The following PGPEP1L variants were observed in gnomAD, a reference collection of about 807,000 sequenced individuals.
PGPEP1L encodes pyroglutamyl-peptidase I like.
Under a neutral mutation model 6.0 loss-of-function variants are expected in PGPEP1L, and 7 were observed. That is an observed-to-expected ratio of 1.17 (90% CI 0.66 to 2.19). PGPEP1L has a LOEUF of 2.19. PGPEP1L is among the 30% of genes most tolerant of loss of function. The probability of loss-of-function intolerance (pLI) is 0.00; values close to 1 mark genes in which losing one functional copy is unlikely to be tolerated. For synonymous variants in PGPEP1L, 103 were observed against 83.9 expected, an observed-to-expected ratio of 1.23 and a Z score of -1.24; for missense variants, 209 against 192.5, an observed-to-expected ratio of 1.09 and a Z score of -0.51.
intron 2 of PGPEP1L, among the ~76,000 whole-genome samples, chr15:98,999,492 A>G (rs2017931017): frequency 6.6e-6 from 1 of 151,638 alleles, no homozygotes; most frequent in African/African-American, 2.4e-5. Context: ...GGGAATATAA[A>G]ATGGTACTGT....
chr15:98,971,614 A>T (rs2017498866), intron 2 of PGPEP1L, among the ~76,000 whole-genome samples: 1 of 152,250 alleles, frequency 6.6e-6, no homozygotes, highest in African/African-American at 2.4e-5. Flanking sequence ...TTTCCCAAAC[A>T]AAAGCTGAGG....
At chr15:99,006,240 A>G (rs1274503997) in intron 1 of PGPEP1L, among the ~76,000 whole-genome samples, 1 of 152,194 alleles carries the variant, frequency 6.6e-6, no homozygotes, top group Non-Finnish European at 1.5e-5. Context: ...CCCCAGCTTC[A>G]TCAGCCCTGA....
At chr15:99,003,205 A>G (rs1301365059) in intron 2 of PGPEP1L, among the ~76,000 whole-genome samples, 1 of 50,936 alleles carries the variant, frequency 2.0e-5, no homozygotes, top group African/African-American at 3.4e-4. Flanking sequence ...AGTGAGATTA[A>G]AAAAAAAAAA....
chr15:98,991,537 G>T (rs1226137478), intron 2 of PGPEP1L, among the ~76,000 whole-genome samples: 5 of 152,170 alleles, frequency 3.3e-5, no homozygotes, highest in African/African-American at 9.7e-5. Context: ...GTACAAAGAG[G>T]AGCTGGTACC....
At chr15:98,980,324 G>C (rs568369110) in intron 2 of PGPEP1L, among the ~76,000 whole-genome samples, 1 of 152,168 alleles carries the variant, frequency 6.6e-6, no homozygotes, top group South Asian at 2.1e-4. Flanking sequence ...CATTGTCCTA[G>C]GATAGTAAAG....
intron 2 of PGPEP1L, among the ~76,000 whole-genome samples, chr15:98,978,654 C>A (rs12905439): frequency 6.7e-6 from 1 of 150,028 alleles, no homozygotes; most frequent in Non-Finnish European, 1.5e-5. Flanking sequence ...AGTAACCTGC[C>A]TGATTTCCAG....
intron 2 of PGPEP1L, among the ~76,000 whole-genome samples, chr15:98,981,489 C>CAAAAAAAAAAAAAAAA (rs769918543): frequency 2.4e-5 from 2 of 82,098 alleles, no homozygotes; most frequent in African/African-American, 6.8e-5. Flanking sequence ...GACTCCGTCT[C>CAAAAAAAAAAAAAAAA]AAAAAAAAAA....
At chr15:98,983,774 C>T (rs2017703133) in intron 2 of PGPEP1L, among the ~76,000 whole-genome samples, 1 of 152,136 alleles carries the variant, frequency 6.6e-6, no homozygotes, top group Non-Finnish European at 1.5e-5. Context: ...GTAGGAACTG[C>T]CTCTTTTCCT....
At chr15:98,984,197 A>G (rs2017712211) in intron 2 of PGPEP1L, among the ~76,000 whole-genome samples, 1 of 151,972 alleles carries the variant, frequency 6.6e-6, no homozygotes, top group Admixed American at 6.6e-5. Flanking sequence ...ATTTTAGCAG[A>G]GACAGAGTTT....
intron 4 of PGPEP1L, 57 bp from the exon 5 acceptor site, chr15:98,968,754 A>G (rs962949981): frequency 1.3e-5 from 19 of 1,490,802 alleles, no homozygotes; most frequent in Non-Finnish European, 1.7e-5. Flanking sequence ...CCTCAGTGAA[A>G]CATACGCAGA....
At chr15:98,988,256 G>A (rs2017774766) in intron 2 of PGPEP1L, among the ~76,000 whole-genome samples, 1 of 152,122 alleles carries the variant, frequency 6.6e-6, no homozygotes, top group Non-Finnish European at 1.5e-5. Context: ...AATTCTCACT[G>A]CAGCATAGCA....
At position 98,985,269 on chromosome 15, in the gene PGPEP1L, T is replaced by C. The variant is rs1596519899; in HGVS notation, c.-141-14111A>G. On this transcript the variant is annotated intron_variant, in intron 2 of 4. Coordinates refer to ENST00000535714, the MANE Select transcript of PGPEP1L (RefSeq NM_001167902.2). ...TTTTAAACCCACTGGCTGGGCACAG[T>C]GGCTCACACCTGTAATCCTAGCACT... 2.0e-5 allele frequency among the ~76,000 whole-genome samples: 3 copies of C among 152,202 alleles called. No individual in the cohort carries two copies. The South Asian group carries it at 6.2e-4, about 31-fold the overall frequency.
intron 2 of PGPEP1L, among the ~76,000 whole-genome samples, chr15:99,001,921 T>C (rs2017977338): frequency 6.6e-6 from 1 of 152,188 alleles, no homozygotes; most frequent in Non-Finnish European, 1.5e-5. Context: ...TTTCACTATG[T>C]TGGCCAGGCT....
At chr15:98,979,809 C>T (rs1019419912) in intron 2 of PGPEP1L, among the ~76,000 whole-genome samples, 1 of 151,900 alleles carries the variant, frequency 6.6e-6, no homozygotes, top group Non-Finnish European at 1.5e-5. Flanking sequence ...GCCACCACAC[C>T]CGGCTAATTT....
chr15:98,986,536 T>A (rs1354966901), intron 2 of PGPEP1L, among the ~76,000 whole-genome samples: 1 of 152,254 alleles, frequency 6.6e-6, no homozygotes, highest in Admixed American at 6.5e-5. Flanking sequence ...TCACCCTTCA[T>A]AATGAAACTG....
rs143942421 is a variant in PGPEP1L, at chr15:98,990,366, A to G, written c.-142+15063T>C. Among the ~76,000 whole-genome samples the G allele has an allele frequency of 1.5e-3, 227 of 152,342 alleles. 7 individuals carry two copies. The East Asian group carries it at 0.04, about 27-fold the overall frequency. ...CAACAAAGATCAAAAGAGACAAAGAAGGGCATCACATAATGGTAAAGGGAT... is the reference window on the plus strand; with the variant it reads ...CAACAAAGATCAAAAGAGACAAAGAGGGGCATCACATAATGGTAAAGGGAT... On this transcript the variant is annotated intron_variant, in intron 2 of 4. Coordinates refer to ENST00000535714, the MANE Select transcript of PGPEP1L (RefSeq NM_001167902.2).
At chr15:98,982,339 T>C (rs2017676629) in intron 2 of PGPEP1L, among the ~76,000 whole-genome samples, 1 of 152,138 alleles carries the variant, frequency 6.6e-6, no homozygotes, top group Admixed American at 6.5e-5. Context: ...ACAGTCCCCA[T>C]ATTCTTGTGG....
intron 2 of PGPEP1L, among the ~76,000 whole-genome samples, chr15:98,972,874 A>C (rs1440530286): frequency 3.9e-4 from 2 of 5,114 alleles, no homozygotes; most frequent in South Asian, 0.018. Flanking sequence ...CTCCGTCTCA[A>C]AAAAAAAAAA....
At chr15:98,976,866 C>A (rs1358853874) in intron 2 of PGPEP1L, among the ~76,000 whole-genome samples, 1 of 152,124 alleles carries the variant, frequency 6.6e-6, no homozygotes, top group South Asian at 2.1e-4. Flanking sequence ...ATCACAGCAA[C>A]CTTTCAAGTT....
Sources: gnomAD v4.1 joint callset for allele counts (sites outside exome capture counted in the v4.1 genomes callset) on GRCh38, gnomAD v4.1.1 for gene constraint, MANE v1.5 for transcripts, NCBI Gene and HGNC (gene_info 2026-07-23, HGNC 2026-07-21) for gene names.